Variants in EFR3B observed in about 807,000 individuals in gnomAD.
EFR3B encodes EFR3 homolog B.
A neutral mutation model predicts 104.7 loss-of-function variants in EFR3B; 64 were observed. The ratio of observed to expected loss-of-function variants is 0.61; its 90% CI spans 0.50 to 0.75. The LOEUF (loss-of-function observed/expected upper bound fraction) is 0.75. EFR3B is among the 30% of genes least tolerant of loss of function. The pLI is 0.00. For missense variants in EFR3B, 750 were observed against 1,078.5 expected (o/e 0.70, Z 4.27); for synonymous variants, 385 against 417.9 (o/e 0.92, Z 0.96).
Position 25,129,961 on chromosome 2 carries a change from C to T in EFR3B, c.636-14C>T. On this transcript the variant is annotated splice_polypyrimidine_tract_variant and intron_variant, in intron 6 of 22. Coordinates refer to ENST00000403714, the MANE Select transcript of EFR3B (RefSeq NM_014971.2). ...TGCATGCCACCCTCTACCCATGTGC[C>T]TCTGTCTCCCCAGCCGGTCTCCCTC... 6.4e-7 allele frequency: 1 copy of T among 1,551,078 alleles called. No individual in the cohort carries two copies. The highest frequency in any genetic ancestry group is 8.7e-7 in the Non-Finnish European group (1 of 1,146,954).
chr2:25,149,625 G>GGGGGTGCCGGGGCTGCCAGAGAGCT, intron 19 of EFR3B, 69 bp from the exon 20 acceptor site: 1 of 1,466,228 alleles, frequency 6.8e-7, no homozygotes. Flanking sequence ...CCAGAGAGCT[G>GGGGGTGCCGGGGCTGCCAGAGAGCT]GGGGTGCCAG....
chr2:25,099,148 C>T (rs1156294583), intron 3 of EFR3B, among the ~76,000 whole-genome samples: 1 of 152,166 alleles, frequency 6.6e-6, no homozygotes, highest in Non-Finnish European at 1.5e-5. Flanking sequence ...TCTCTGCAGC[C>T]AAAGCCTGTC....
chr2:25,133,297 A>C, intron 11 of EFR3B, 86 bp from the exon 12 acceptor site: 1 of 1,412,688 alleles, frequency 7.1e-7, no homozygotes, highest in East Asian at 2.5e-5. Flanking sequence ...CTCATGGAGA[A>C]ACGAATTGGG....
intron 3 of EFR3B, among the ~76,000 whole-genome samples, chr2:25,093,772 T>C (rs1029943949): frequency 2.6e-5 from 4 of 152,148 alleles, no homozygotes; most frequent in Non-Finnish European, 4.4e-5. Flanking sequence ...TGTCCTGCCT[T>C]ATCCCACTTA....
chr2:25,124,501 C>T (rs906162107), intron 5 of EFR3B, among the ~76,000 whole-genome samples: 4 of 151,650 alleles, frequency 2.6e-5, no homozygotes, highest in Non-Finnish European at 5.9e-5. Flanking sequence ...CCGAGCGGGG[C>T]GGATCACAAG....
chr2:25,091,628 A>G (rs1370063694), intron 2 of EFR3B, among the ~76,000 whole-genome samples: 1 of 152,242 alleles, frequency 6.6e-6, no homozygotes, highest in Non-Finnish European at 1.5e-5. Context: ...TGCAGAAGGC[A>G]GCTGGAAGTG....
intron 1 of EFR3B, among the ~76,000 whole-genome samples, chr2:25,077,571 G>T (rs962832703): frequency 6.6e-6 from 1 of 152,240 alleles, no homozygotes; most frequent in South Asian, 2.1e-4. Flanking sequence ...TTACAGGCGT[G>T]AGCCACCATG....
chr2:25,112,748 T>A (rs765815420), intron 4 of EFR3B, among the ~76,000 whole-genome samples: 3 of 152,266 alleles, frequency 2.0e-5, no homozygotes, highest in Non-Finnish European at 4.4e-5. Flanking sequence ...AAAGAAGCAG[T>A]TCTCCTTTCT....
intron 20 of EFR3B, among the ~76,000 whole-genome samples, chr2:25,151,543 A>T (rs144122018): frequency 0.013 from 2,049 of 152,272 alleles, 46 homozygotes; most frequent in African/African-American, 0.044. Context: ...AGTGTGAGCC[A>T]CCGTGCCCAG....
Position 25,131,722 on chromosome 2 carries a change from C to T in EFR3B, c.986-28C>T. On this transcript the variant is annotated intron_variant, in intron 9 of 22. Transcript: ENST00000403714. The surrounding 1 kb of genome is among the most constrained non-coding windows in gnomAD (Gnocchi z 7.6). The stretch of plus-strand genomic sequence containing the variant: ...GAGGAGGAGGGTGCCAGCCTTGGAT[C>T]TCGGGTGTCCCGCCCCACCGCTCTC... 1 of 1,486,846 alleles carries T rather than the reference C, an allele frequency of 6.7e-7. No homozygotes were observed. 92.1% of individuals were successfully genotyped at this position (1,486,846 alleles called of 1,614,324 possible).
chr2:25,082,688 C>T (rs1042612372), intron 1 of EFR3B, among the ~76,000 whole-genome samples: 1 of 152,214 alleles, frequency 6.6e-6, no homozygotes, highest in African/African-American at 2.4e-5. Flanking sequence ...CCCCTGCCAC[C>T]ACCACCCATG....
At chr2:25,129,918 C>A in intron 6 of EFR3B, 57 bp from the exon 7 acceptor site, 1 of 1,542,616 alleles carries the variant, frequency 6.5e-7, no homozygotes, top group Non-Finnish European at 8.7e-7. Context: ...CGGGATTGTA[C>A]AGAGCCTGAC....
At position 25,149,759 on chromosome 2, in the gene EFR3B, G is replaced by C. The variant is rs1670950212; in HGVS notation, c.2191+17G>C. 2.6e-6 allele frequency: 4 copies of C among 1,551,190 alleles called. No individual in the cohort carries two copies. The stretch of plus-strand genomic sequence containing the variant: ...AAGCCATTGGTAAGTCAGGGCAAAG[G>C]GACTCTGGTTAGAGGGCAAAATGGG... On this transcript the variant is annotated intron_variant, in intron 20 of 22. Transcript: ENST00000403714.
At chr2:25,069,330 G>T (rs1406393473) in intron 1 of EFR3B, among the ~76,000 whole-genome samples, 6 of 152,196 alleles carry the variant, frequency 3.9e-5, no homozygotes, top group African/African-American at 1.4e-4. Context: ...GATGTATCTT[G>T]TCTGATGCTT....
At chr2:25,110,558 G>A (rs926979909) in intron 4 of EFR3B, among the ~76,000 whole-genome samples, 2 of 152,022 alleles carry the variant, frequency 1.3e-5, no homozygotes, top group Non-Finnish European at 2.9e-5. Flanking sequence ...CAGCCCCTCC[G>A]GAGCCTCCCT....
intron 1 of EFR3B, among the ~76,000 whole-genome samples, chr2:25,056,388 A>G (rs1668022414): frequency 6.6e-6 from 1 of 150,660 alleles, no homozygotes; most frequent in Non-Finnish European, 1.5e-5. Flanking sequence ...ATTTAATGGT[A>G]TAATTACGGA....
At chr2:25,080,083 G>T in intron 1 of EFR3B, 1 of 903,644 alleles carries the variant, frequency 1.1e-6, no homozygotes, top group Non-Finnish European at 1.9e-6. Flanking sequence ...CCCCACAACA[G>T]GTATTTCAAT....
chr2:25,109,866 CA>C (rs1193563645), intron 4 of EFR3B, among the ~76,000 whole-genome samples: 1 of 152,124 alleles, frequency 6.6e-6, no homozygotes, highest in Non-Finnish European at 1.5e-5. Flanking sequence ...AATTTTACTT[CA>C]ATTTTTTAAA....
chr2:25,082,600 T>C (rs1361976908), intron 1 of EFR3B, among the ~76,000 whole-genome samples: 1 of 152,190 alleles, frequency 6.6e-6, no homozygotes, highest in Admixed American at 6.5e-5. Flanking sequence ...ACTTTGAAAT[T>C]ACTGACCTTG....
Sources: gnomAD v4.1 joint callset for allele counts (sites outside exome capture counted in the v4.1 genomes callset) on GRCh38, gnomAD v4.1.1 for gene constraint, Gnocchi (gnomAD v3.1) non-coding constraint, MANE v1.5 for transcripts, NCBI Gene and HGNC (gene_info 2026-07-23, HGNC 2026-07-21) for gene names.